GREB1L: variants seen among roughly 807,000 people sequenced by gnomAD.
The protein encoded by GREB1L is GREB1 like retinoic acid receptor coactivator, also known as GREB1-like protein.
In GREB1L, 17 loss-of-function variants were observed where a neutral mutation model predicts 200.8. The observed-to-expected ratio is 0.08, with a 90% confidence interval of 0.06 to 0.13. The LOEUF is 0.13. Ranked by LOEUF, GREB1L falls within the 10% of genes least tolerant of loss-of-function variation. GREB1L has a pLI of 1.00. For synonymous variants in GREB1L, 789 were observed against 893.0 expected (o/e 0.88, Z 2.08); for missense variants, 1,657 against 2,367.7 (o/e 0.70, Z 6.23).
intron 1 of GREB1L, among the ~76,000 whole-genome samples, chr18:21,329,323 T>TAAAAAAA (rs35862944): frequency 1.1e-5 from 1 of 92,358 alleles, no homozygotes; most frequent in Non-Finnish European, 2.3e-5. Context: ...AGACTCTGTC[T>TAAAAAAA]AAAAAAAAAA....
chr18:21,407,020 G>A (rs1403555011), intron 7 of GREB1L, among the ~76,000 whole-genome samples: 5 of 151,842 alleles, frequency 3.3e-5, no homozygotes, highest in African/African-American at 7.3e-5. Flanking sequence ...GATTACAGGC[G>A]CATGCCACCA....
intron 19 of GREB1L, among the ~76,000 whole-genome samples, chr18:21,493,671 G>A (rs2036428142): frequency 6.6e-6 from 1 of 151,838 alleles, no homozygotes; most frequent in Non-Finnish European, 1.5e-5. Context: ...TTCAAGACCA[G>A]CCTGGCCAAT....
At chr18:21,483,153 A>C (rs1242213083) in intron 17 of GREB1L, among the ~76,000 whole-genome samples, 1 of 152,174 alleles carries the variant, frequency 6.6e-6, no homozygotes, top group African/African-American at 2.4e-5. Flanking sequence ...AAGAGAGAGA[A>C]ATAAAAACGA....
chr18:21,526,087 G>A lies in GREB1L; in HGVS notation c.*3266G>A, dbSNP rs2037682682. 6.6e-6 allele frequency among the ~76,000 whole-genome samples: 1 copy of A among 152,088 alleles called. No individual in the cohort carries two copies. Among genetic ancestry groups the A allele is most frequent in the African/African-American group, 2.4e-5 (1 of 41,382 alleles). Reference sequence around the variant, plus strand: ...CTACTTAGGCCTGAAACAACATCCAGAGAACGAACATTTATCAAGCTTCTC... The same window carrying A: ...CTACTTAGGCCTGAAACAACATCCAAAGAACGAACATTTATCAAGCTTCTC... On this transcript the variant is annotated 3_prime_UTR_variant, in exon 33 of 33. Coordinates refer to ENST00000424526, the MANE Select transcript of GREB1L (RefSeq NM_001142966.3).
At chr18:21,450,642 T>A in intron 12 of GREB1L, 1 of 162,444 alleles carries the variant, frequency 6.2e-6, no homozygotes, top group Non-Finnish European at 1.3e-5. Context: ...CCCTAGTCTG[T>A]TTTTCCCCCA....
At chr18:21,268,513 A>ATATATG (rs2038011438) in intron 1 of GREB1L, among the ~76,000 whole-genome samples, 1 of 78,536 alleles carries the variant, frequency 1.3e-5, no homozygotes, top group Non-Finnish European at 2.2e-5. Context: ...ATATATATGT[A>ATATATG]TATATATATA....
chr18:21,508,064 T>C, intron 25 of GREB1L, 54 bp from the exon 26 acceptor site: 1 of 1,512,836 alleles, frequency 6.6e-7, no homozygotes. Flanking sequence ...GGCCTGGAAG[T>C]TTGGAAACTG....
intron 7 of GREB1L, among the ~76,000 whole-genome samples, chr18:21,414,399 A>G (rs1393546226): frequency 6.6e-6 from 1 of 152,192 alleles, no homozygotes; most frequent in African/African-American, 2.4e-5. Flanking sequence ...TCTTTTTCTG[A>G]ATTTTCTTTT....
chr18:21,452,942 A>G (rs2034595715), intron 14 of GREB1L, among the ~76,000 whole-genome samples: 1 of 152,238 alleles, frequency 6.6e-6, no homozygotes, highest in Non-Finnish European at 1.5e-5. Flanking sequence ...TCAGGCAATA[A>G]AAGTAGCATG....
chr18:21,400,543 G>A (rs2041274373), intron 5 of GREB1L, among the ~76,000 whole-genome samples: 1 of 152,138 alleles, frequency 6.6e-6, no homozygotes, highest in African/African-American at 2.4e-5. Flanking sequence ...CTTGGTTCCC[G>A]TACCTTAGCT....
chr18:21,300,430 A>G (rs1238481785), intron 1 of GREB1L, among the ~76,000 whole-genome samples: 2 of 152,184 alleles, frequency 1.3e-5, no homozygotes, highest in East Asian at 3.8e-4. Flanking sequence ...ACACTCTTAA[A>G]TGTTTTATGC....
chr18:21,318,038 G>T (rs1293715390), intron 1 of GREB1L, among the ~76,000 whole-genome samples: 1 of 151,274 alleles, frequency 6.6e-6, no homozygotes, highest in South Asian at 2.1e-4. Flanking sequence ...AACCAGGGAG[G>T]TGGAGGTTGC....
intron 21 of GREB1L, 127 bp downstream of exon 21, chr18:21,496,825 CT>C: frequency 1.0e-6 from 1 of 989,328 alleles, no homozygotes; most frequent in Non-Finnish European, 1.5e-6. Context: ...GACTGGCATC[CT>C]CTCCAGACCC....
chr18:21,397,397 T>C (rs1192952950), intron 5 of GREB1L, among the ~76,000 whole-genome samples: 2 of 151,564 alleles, frequency 1.3e-5, no homozygotes, highest in East Asian at 3.9e-4. Context: ...TGGTGGTGGG[T>C]GCCTGCAGTC....
chr18:21,311,353 A>G (rs2038787264), intron 1 of GREB1L, among the ~76,000 whole-genome samples: 1 of 152,222 alleles, frequency 6.6e-6, no homozygotes, highest in Non-Finnish European at 1.5e-5. Context: ...CAGACAATAT[A>G]AATAGTTAAT....
At chr18:21,401,066 G>A in intron 5 of GREB1L, 84 bp from the exon 6 acceptor site, 2 of 1,136,838 alleles carry the variant, frequency 1.8e-6, no homozygotes, top group South Asian at 3.2e-5. Flanking sequence ...GTCAAAGAAT[G>A]TGAATGTTTC....
At chr18:21,347,506 A>T (rs1438662858) in intron 1 of GREB1L, among the ~76,000 whole-genome samples, 1 of 149,108 alleles carries the variant, frequency 6.7e-6, no homozygotes, top group Non-Finnish European at 1.5e-5. Flanking sequence ...CTCAGGCTGG[A>T]GTGTAATGGT....
chr18:21,414,533 C>G lies in GREB1L; in HGVS notation c.832+10539C>G, dbSNP rs185051171. 2.0e-5 allele frequency among the ~76,000 whole-genome samples: 3 copies of G among 152,216 alleles called. No homozygotes were observed. The East Asian group carries it at 5.8e-4, about 29-fold the overall frequency. On this transcript the variant is annotated intron_variant, in intron 7 of 32. Transcript: ENST00000424526. ...CATGTGTAGAAATAAAGGCCAATAC[C>G]TAATGTAGGCAAGTTCAAGATACAG...
rs114935862 is a variant in GREB1L at position 21,455,862 on chromosome 18, G to A, written c.2182+1299G>A. 1.6e-3 allele frequency among the ~76,000 whole-genome samples: 230 copies of A among 148,210 alleles called. 3 individuals carry two copies. The highest frequency in any genetic ancestry group is 5.4e-3 in the African/African-American group (219 of 40,308). On this transcript the variant is annotated intron_variant, in intron 15 of 32. Coordinates refer to ENST00000424526, the MANE Select transcript of GREB1L (RefSeq NM_001142966.3). Reference sequence around the variant, plus strand: ...TTGCTAAAATGCAGATTCCACTTCAGTGAGTCTGGGTTGTGCTCCGGATTC... The same window carrying A: ...TTGCTAAAATGCAGATTCCACTTCAATGAGTCTGGGTTGTGCTCCGGATTC...
Sources: gnomAD v4.1 joint callset for allele counts (sites outside exome capture counted in the v4.1 genomes callset) on GRCh38, gnomAD v4.1.1 for gene constraint, MANE v1.5 for transcripts, NCBI Gene and HGNC (gene_info 2026-07-23, HGNC 2026-07-21) for gene names.